The following DAB1 variants were observed in gnomAD, a reference collection of about 807,000 sequenced individuals.
DAB1 encodes the protein disabled homolog 1.
In DAB1, 15 loss-of-function variants were observed where a neutral mutation model predicts 64.6. That is an observed-to-expected ratio of 0.23 (90% confidence interval 0.16 to 0.36). The LOEUF (loss-of-function observed/expected upper bound fraction) is 0.36. Among genes scored for constraint, DAB1 ranks in the 10% least tolerant of loss-of-function variants. The pLI is 1.00. For synonymous variants in DAB1, 235 were observed against 251.9 expected (o/e 0.93, Z 0.64); for missense variants, 596 against 706.7 (o/e 0.84, Z 1.78).
At chr1:58,123,744 T>G (rs977938887) in intron 5 of DAB1, among the ~76,000 whole-genome samples, 3 of 152,154 alleles carry the variant, frequency 2.0e-5, no homozygotes, top group Non-Finnish European at 4.4e-5. Flanking sequence ...ATTTGACTGA[T>G]CGATTTGTTA....
At chr1:57,599,132 TAA>T (rs1460020969) in intron 7 of DAB1, among the ~76,000 whole-genome samples, 1 of 152,030 alleles carries the variant, frequency 6.6e-6, no homozygotes, top group Non-Finnish European at 1.5e-5. Flanking sequence ...GGTTGCATTT[TAA>T]AGCCTTCATT....
At chr1:57,712,012 A>G (rs1412884272) in intron 6 of DAB1, among the ~76,000 whole-genome samples, 1 of 152,196 alleles carries the variant, frequency 6.6e-6, no homozygotes, top group Non-Finnish European at 1.5e-5. Flanking sequence ...TATATTACTC[A>G]GAATTTTAAT....
intron 7 of DAB1, among the ~76,000 whole-genome samples, chr1:57,441,272 CTCTTTCTTTCTTTCTTTCTT>C (rs60171938): frequency 0.019 from 1,378 of 72,466 alleles, 23 homozygotes; most frequent in Middle Eastern, 0.045. Context: ...TTCTTTCTTT[CTCTTTCTTTCTTTCTTTCTT>C]TCTTTCTTTC....
At chr1:57,611,701 C>A (rs1645728636) in intron 7 of DAB1, among the ~76,000 whole-genome samples, 1 of 152,184 alleles carries the variant, frequency 6.6e-6, no homozygotes, top group Admixed American at 6.5e-5. Flanking sequence ...CTGATATCAC[C>A]CAAACTCAAG....
At chr1:58,234,456 C>T (rs145751163) in intron 4 of DAB1, among the ~76,000 whole-genome samples, 362 of 152,260 alleles carry the variant, frequency 2.4e-3, no homozygotes, top group African/African-American at 8.2e-3. Flanking sequence ...AACAGCCATG[C>T]GGGGCAGAAA....
chr1:57,006,252 C>T (rs1187767168), intron 14 of DAB1, among the ~76,000 whole-genome samples: 1 of 152,184 alleles, frequency 6.6e-6, no homozygotes, highest in Non-Finnish European at 1.5e-5. Context: ...CTCTTTTGAT[C>T]TCCAGAGGTT....
intron 5 of DAB1, among the ~76,000 whole-genome samples, chr1:57,919,160 T>C (rs769365122): frequency 7.2e-5 from 11 of 152,162 alleles, no homozygotes; most frequent in Admixed American, 3.3e-4. Flanking sequence ...CTGGAAATTG[T>C]GGTAAAACCA....
chr1:58,026,275 A>G (rs1212490317), intron 5 of DAB1, among the ~76,000 whole-genome samples: 2 of 152,224 alleles, frequency 1.3e-5, no homozygotes, highest in Non-Finnish European at 2.9e-5. Context: ...ATATCGCAAG[A>G]AGGCATAGAG....
chr1:58,119,499 G>C (rs1172424082), intron 5 of DAB1, among the ~76,000 whole-genome samples: 1 of 152,018 alleles, frequency 6.6e-6, no homozygotes, highest in Non-Finnish European at 1.5e-5. Context: ...TCTAAATTTC[G>C]GACACACATC....
chr1:58,244,529 A>G (rs1660447469), intron 4 of DAB1, among the ~76,000 whole-genome samples: 1 of 152,218 alleles, frequency 6.6e-6, no homozygotes, highest in Non-Finnish European at 1.5e-5. Context: ...AAGCTTTTGC[A>G]AGTTCAAGCT....
chr1:58,156,885 T>C (rs930447784), intron 4 of DAB1, among the ~76,000 whole-genome samples: 4 of 152,190 alleles, frequency 2.6e-5, no homozygotes, highest in African/African-American at 9.7e-5. Context: ...GAATTTCAAC[T>C]TTATAATGGT....
At chr1:57,578,520 G>A (rs1023400162) in intron 7 of DAB1, among the ~76,000 whole-genome samples, 1 of 152,194 alleles carries the variant, frequency 6.6e-6, no homozygotes, top group African/African-American at 2.4e-5. Context: ...GAGGGCACAC[G>A]CCTGGCCTCT....
intron 1 of DAB1, among the ~76,000 whole-genome samples, chr1:57,834,686 T>C (rs1652734003): frequency 6.6e-6 from 1 of 151,622 alleles, no homozygotes. Flanking sequence ...TATATGTGTA[T>C]AGATATATAT....
At chr1:58,107,322 G>A (rs1234633410) in intron 5 of DAB1, among the ~76,000 whole-genome samples, 3 of 141,720 alleles carry the variant, frequency 2.1e-5, no homozygotes, top group Admixed American at 7.0e-5. Context: ...AAAAAAAAAA[G>A]TAGCTGGGCG....
intron 2 of DAB1, among the ~76,000 whole-genome samples, chr1:57,216,846 T>G (rs1246914909): frequency 2.0e-5 from 3 of 152,224 alleles, no homozygotes; most frequent in Non-Finnish European, 4.4e-5. Context: ...CCTACACTAC[T>G]TGACGTAAGG....
intron 1 of DAB1, among the ~76,000 whole-genome samples, chr1:57,345,545 C>G (rs907362394): frequency 6.6e-6 from 1 of 151,732 alleles, no homozygotes; most frequent in Non-Finnish European, 1.5e-5. Context: ...CTTCCTACAC[C>G]TAAATCATAA....
Position 58,148,545 on chromosome 1 carries a change from GC to G in DAB1, n.387+1965del, listed in dbSNP as rs1281295438. Among the ~76,000 whole-genome samples, 3 of 152,174 alleles carry G rather than the reference GC, an allele frequency of 2.0e-5. No individual in the cohort carries two copies. In the East Asian group the frequency reaches 5.8e-4, roughly 29 times the overall value. On this transcript the variant is annotated intron_variant and non_coding_transcript_variant, in intron 5 of 20. Coordinates refer to the DAB1 transcript ENST00000485760. ...CATTGTATTAGTCCATTCTCATGCTGCTAATAAAGACATACCTGAGACTGAG... is the reference window on the plus strand; with the variant it reads ...CATTGTATTAGTCCATTCTCATGCTGTAATAAAGACATACCTGAGACTGAG...
intron 5 of DAB1, among the ~76,000 whole-genome samples, chr1:58,021,372 G>T (rs1313884998): frequency 6.6e-6 from 1 of 152,198 alleles, no homozygotes; most frequent in African/African-American, 2.4e-5. Flanking sequence ...GTATAAGGTA[G>T]TTACTTCATT....
intron 2 of DAB1, among the ~76,000 whole-genome samples, chr1:57,226,226 C>A (rs991086320): frequency 6.6e-6 from 1 of 152,204 alleles, no homozygotes; most frequent in Non-Finnish European, 1.5e-5. Context: ...TTATCGCTAG[C>A]AGAGACCTCT....
Sources: gnomAD v4.1 joint callset for allele counts (sites outside exome capture counted in the v4.1 genomes callset) on GRCh38, gnomAD v4.1.1 for gene constraint, MANE v1.5 for transcripts, NCBI Gene and HGNC (gene_info 2026-07-23, HGNC 2026-07-21) for gene names.